Variants in SPDL1 observed in about 807,000 individuals in gnomAD.
SPDL1 encodes the protein spindle apparatus coiled-coil protein 1.
A neutral mutation model predicts 79.5 loss-of-function variants in SPDL1; 85 were observed. The ratio of observed to expected loss-of-function variants is 1.07; its 90% CI spans 0.90 to 1.28. SPDL1 has a LOEUF of 1.28. Among genes scored for constraint, SPDL1 ranks in the 50% most tolerant of loss-of-function variants. The pLI is 0.00. For missense variants in SPDL1, 703 were observed against 697.8 expected (o/e 1.01, Z -0.08); for synonymous variants, 269 against 240.3 (o/e 1.12, Z -1.10).
intron 1 of SPDL1, among the ~76,000 whole-genome samples, chr5:169,586,877 T>C (rs1755008128): frequency 6.6e-6 from 1 of 152,184 alleles, no homozygotes; most frequent in Non-Finnish European, 1.5e-5. Flanking sequence ...TATCAGATCC[T>C]CTACTCCAGA....
intron 2 of SPDL1, chr5:169,588,873 C>T (rs993633634): frequency 2.2e-5 from 4 of 182,296 alleles, no homozygotes; most frequent in Non-Finnish European, 3.4e-5. Flanking sequence ...GACCTCTAAA[C>T]ATCTAAGTGC....
At chr5:169,591,494 C>G (rs938515894) in intron 3 of SPDL1, among the ~76,000 whole-genome samples, 1 of 152,150 alleles carries the variant, frequency 6.6e-6, no homozygotes, top group African/African-American at 2.4e-5. Context: ...GCATGGCCTC[C>G]TTGCTGATAG....
chr5:169,599,102 GA>G lies in SPDL1; in HGVS notation c.1271del (p.Asn424IlefsTer2), dbSNP rs1755754240. ...NERCLQLSESENMKLRAKLDE... is the reference protein window; with the variant it reads ...NERCLQLSESXNMKLRAKLDE... Reference sequence around the variant, plus strand: ...AAGATGCCTCCAGCTTTCAGAAAGTGAAAATATGAAACTGAGAGCTAAACTA... The same window carrying G: ...AAGATGCCTCCAGCTTTCAGAAAGTGAAATATGAAACTGAGAGCTAAACTA... On this transcript the variant is annotated frameshift_variant, in exon 10 of 12. Coordinates refer to ENST00000265295, the MANE Select transcript of SPDL1 (RefSeq NM_017785.5). LOFTEE classifies it high-confidence loss of function. 6.3e-7 allele frequency: 1 copy of G among 1,593,906 alleles called. No individual in the cohort carries two copies. Among genetic ancestry groups the G allele is most frequent in the African/African-American group, 1.3e-5 (1 of 74,500 alleles).
intron 11 of SPDL1, 144 bp downstream of exon 11, chr5:169,601,769 A>G (rs1465140026): frequency 1.4e-5 from 11 of 805,348 alleles, no homozygotes; most frequent in East Asian, 5.3e-5. Context: ...CCTACCTTCA[A>G]CTTTTCCAGA....
chr5:169,596,822 T>A, intron 8 of SPDL1, 121 bp downstream of exon 8: 1 of 782,408 alleles, frequency 1.3e-6, no homozygotes, highest in Non-Finnish European at 1.9e-6. Flanking sequence ...TGAGACTAAG[T>A]AAATGGCTGT....
At chr5:169,595,175 T>C (rs988030804) in intron 7 of SPDL1, 5 of 152,592 alleles carry the variant, frequency 3.3e-5, no homozygotes, top group African/African-American at 1.2e-4. Context: ...GTTTTGTTGG[T>C]TGTCATTCTA....
chr5:169,590,989 G>A, intron 2 of SPDL1, 59 bp from the exon 3 acceptor site: 9 of 1,363,664 alleles, frequency 6.6e-6, no homozygotes, highest in Non-Finnish European at 9.3e-6. Flanking sequence ...AAAACTGATT[G>A]TATGTAATGG....
chr5:169,601,009 CAA>C (rs1026757976), intron 10 of SPDL1, among the ~76,000 whole-genome samples: 4 of 152,046 alleles, frequency 2.6e-5, no homozygotes, highest in Non-Finnish European at 4.4e-5. Flanking sequence ...TTCAAAACAC[CAA>C]GAGAGAACAG....
At chr5:169,601,759 C>G (rs890854972) in intron 11 of SPDL1, 134 bp downstream of exon 11, 1 of 883,614 alleles carries the variant, frequency 1.1e-6, no homozygotes, top group African/African-American at 1.7e-5. Flanking sequence ...GTTTCATCTA[C>G]CTACCTTCAA....
At chr5:169,600,805 TGTC>T (rs1370247122) in intron 10 of SPDL1, among the ~76,000 whole-genome samples, 1 of 152,222 alleles carries the variant, frequency 6.6e-6, no homozygotes. Context: ...GGCCTATTCT[TGTC>T]ATTTAATCCT....
chr5:169,593,333 C>T (rs756570341), intron 3 of SPDL1, 21 bp from the exon 4 acceptor site: 2 of 1,256,126 alleles, frequency 1.6e-6, no homozygotes, highest in South Asian at 2.9e-5. Flanking sequence ...CAATTTATGA[C>T]TTTTTTTTTT....
chr5:169,600,901 C>G (rs1581318312), intron 10 of SPDL1, among the ~76,000 whole-genome samples: 1 of 152,236 alleles, frequency 6.6e-6, no homozygotes, highest in East Asian at 1.9e-4. Flanking sequence ...TTAAATAATT[C>G]CCCAAAGACA....
rs1394393039 is a variant in SPDL1, at chr5:169,590,874, G to A, written c.160-174G>A. ...AACATAGTTTCGAAATACACCTCAG[G>A]GGTTTATTAAGACTGATTAACTACA... is the stretch of plus-strand genomic sequence containing the variant. On this transcript the variant is annotated intron_variant, in intron 2 of 11. Transcript: ENST00000265295. 1.3e-5 allele frequency: 9 copies of A among 683,376 alleles called. No homozygotes were observed. In the Admixed American group the frequency reaches 1.9e-4, roughly 14 times the overall value. 42.3% of individuals were successfully genotyped at this position (683,376 alleles called of 1,614,324 possible).
intron 7 of SPDL1, among the ~76,000 whole-genome samples, 158 bp downstream of exon 7, chr5:169,594,839 G>A (rs1446906034): frequency 6.6e-6 from 1 of 152,102 alleles, no homozygotes; most frequent in African/African-American, 2.4e-5. Context: ...GAAATTAAAA[G>A]ATTCATTTAT....
chr5:169,598,369 TACG>T (rs1755700647), intron 8 of SPDL1, 104 bp from the exon 9 acceptor site: 1 of 697,180 alleles, frequency 1.4e-6, no homozygotes, highest in African/African-American at 1.8e-5. Flanking sequence ...CTTAGCGTAG[TACG>T]CCAAGGGATA....
chr5:169,604,170 C>G lies in SPDL1; in HGVS notation c.1781C>G (p.Ser594Cys). The stretch of plus-strand genomic sequence containing the variant: ...TTACACCCTATTCTATATGTGTCTT[C>G]TAAATCTACTCCAGAGACCCAGTGC... ...KKLHPILYVSSKSTPETQCPQ... is the reference protein window; with the variant it reads ...KKLHPILYVSCKSTPETQCPQ... Residue 594 changes from serine to cysteine, a missense_variant, in exon 12 of 12, where the codon TCT (serine) becomes TGT (cysteine). Ser to Cys is a moderately radical substitution (Grantham distance 112). Coordinates refer to ENST00000265295, the MANE Select transcript of SPDL1 (RefSeq NM_017785.5). The G allele has an allele frequency of 6.2e-7, 1 of 1,607,966 alleles. No homozygotes were observed. Among genetic ancestry groups the G allele is most frequent in the Non-Finnish European group, 8.5e-7 (1 of 1,177,902 alleles).
chr5:169,588,895 A>C (rs955128196), intron 2 of SPDL1: 1 of 165,536 alleles, frequency 6.0e-6, no homozygotes, highest in Non-Finnish European at 1.3e-5. Flanking sequence ...CCATGACACT[A>C]CACCAAGCCC....
At chr5:169,590,859 C>T (rs957341184) in intron 2 of SPDL1, 189 bp from the exon 3 acceptor site, 10 of 649,420 alleles carry the variant, frequency 1.5e-5, no homozygotes, top group East Asian at 3.1e-5. Flanking sequence ...AACATAGTTT[C>T]GAAATACACC....
In SPDL1 at chr5:169,593,552, A is replaced by C; in HGVS notation, c.531+4A>C. ...GACAGAAATGGAGAGTATGAAGGTA[A>C]TTTTTATGGCATGTGTTTCTCAGGG... On this transcript the variant is annotated splice_donor_region_variant and intron_variant, in intron 4 of 11. Coordinates refer to ENST00000265295, the MANE Select transcript of SPDL1 (RefSeq NM_017785.5). 1 of 1,563,510 alleles carries C rather than the reference A, an allele frequency of 6.4e-7. No individual in the cohort carries two copies. Among genetic ancestry groups the C allele is most frequent in the Non-Finnish European group, 8.6e-7 (1 of 1,157,552 alleles).
Sources: gnomAD v4.1 joint callset for allele counts (sites outside exome capture counted in the v4.1 genomes callset) on GRCh38, gnomAD v4.1.1 for gene constraint, MANE v1.5 for transcripts, NCBI Gene and HGNC (gene_info 2026-07-23, HGNC 2026-07-21) for gene names.